Variants in PPFIA2 observed in about 807,000 individuals in gnomAD.
PPFIA2 encodes the protein PPFI scaffold protein A2, also known as liprin-alpha-2.
Under a neutral mutation model 175.5 loss-of-function variants are expected in PPFIA2, and 46 were observed. That is an observed-to-expected ratio of 0.26 (90% CI 0.21 to 0.34). The LOEUF (loss-of-function observed/expected upper bound fraction) is 0.34, where lower values mean the gene tolerates loss of function less well. Ranked by LOEUF, PPFIA2 falls within the 10% of genes least tolerant of loss-of-function variation. The probability of loss-of-function intolerance (pLI) is 1.00; values close to 1 mark genes in which losing one functional copy is unlikely to be tolerated. For synonymous variants in PPFIA2, 568 were observed against 511.4 expected (o/e 1.11, Z -1.49); for missense variants, 1,179 against 1,506.1 (o/e 0.78, Z 3.60).
At chr12:81,701,492 G>C (rs1203674654) in intron 3 of PPFIA2, among the ~76,000 whole-genome samples, 1 of 152,060 alleles carries the variant, frequency 6.6e-6, no homozygotes, top group African/African-American at 2.4e-5. Flanking sequence ...AGAATTTAGG[G>C]GTTAGAGCCT....
At chr12:81,619,165 C>T (rs1481628381) in intron 4 of PPFIA2, among the ~76,000 whole-genome samples, 5 of 152,084 alleles carry the variant, frequency 3.3e-5, no homozygotes, top group East Asian at 3.8e-4. Context: ...GGACTACAAG[C>T]GAAGTAAAAC....
At chr12:81,561,182 C>G (rs1008195112) in intron 4 of PPFIA2, among the ~76,000 whole-genome samples, 1 of 152,128 alleles carries the variant, frequency 6.6e-6, no homozygotes, top group Non-Finnish European at 1.5e-5. Flanking sequence ...AAGACCCAGG[C>G]TGTGTATATG....
intron 4 of PPFIA2, among the ~76,000 whole-genome samples, chr12:81,607,105 C>T (rs2060402782): frequency 6.6e-6 from 1 of 151,916 alleles, no homozygotes; most frequent in Admixed American, 6.6e-5. Flanking sequence ...TCAGCCTCAT[C>T]GAAGATCTGA....
chr12:81,312,482 A>T, intron 22 of PPFIA2: 1 of 350,466 alleles, frequency 2.9e-6, no homozygotes, highest in Non-Finnish European at 5.1e-6. Context: ...GAAATCAAGA[A>T]ATCTTGGTAA....
At chr12:81,387,434 A>C (rs1035992420) in intron 8 of PPFIA2, among the ~76,000 whole-genome samples, 11 of 152,166 alleles carry the variant, frequency 7.2e-5, no homozygotes, top group Non-Finnish European at 1.5e-4. Context: ...GCATCATGAA[A>C]GCAGTGAGAA....
rs1424464898 is a variant in PPFIA2 at position 81,258,585 on chromosome 12, T to C, written c.*1109A>G. 2.0e-5 allele frequency: 3 copies of C among 152,180 alleles called. No homozygotes were observed. Among genetic ancestry groups the C allele is most frequent in the Non-Finnish European group, 4.4e-5 (3 of 68,032 alleles). The allele number at this position is 152,180 out of a possible 1,614,324, so 9.4% of individuals were successfully genotyped here. A position where few individuals can be genotyped will look rare whatever the true frequency, so the allele number is the denominator to read the frequency against. ...TACTCTTCTATACTTTTATACACTA[T>C]ATATGTTAATCATTCTGTCTTTCAT... On this transcript the variant is annotated 3_prime_UTR_variant, in exon 33 of 33. Coordinates refer to ENST00000549396, the MANE Select transcript of PPFIA2 (RefSeq NM_003625.5).
chr12:81,453,391 T>C (rs1280122212), intron 5 of PPFIA2, among the ~76,000 whole-genome samples: 1 of 151,988 alleles, frequency 6.6e-6, no homozygotes, highest in Non-Finnish European at 1.5e-5. Flanking sequence ...AAATTCCCAG[T>C]TTTTCTTTAC....
chr12:81,368,692 T>G, intron 13 of PPFIA2, 33 bp downstream of exon 13: 1 of 1,584,010 alleles, frequency 6.3e-7, no homozygotes, highest in Non-Finnish European at 8.6e-7. Flanking sequence ...CATTGCAAAA[T>G]ATTCATGTGA....
chr12:81,299,654 T>C (rs934901497), intron 22 of PPFIA2, among the ~76,000 whole-genome samples: 2 of 152,202 alleles, frequency 1.3e-5, no homozygotes, highest in African/African-American at 4.8e-5. Flanking sequence ...AGAAGTGGAA[T>C]TATATTACCA....
At chr12:81,319,411 C>T (rs1425185841) in intron 22 of PPFIA2, among the ~76,000 whole-genome samples, 1 of 151,802 alleles carries the variant, frequency 6.6e-6, no homozygotes, top group Non-Finnish European at 1.5e-5. Context: ...TACATGATCA[C>T]ATGGCAAAGC....
At position 81,529,782 on chromosome 12, in the gene PPFIA2, T is replaced by C. The variant is rs141640527; in HGVS notation, c.304-71916A>G. 5.2e-3 allele frequency among the ~76,000 whole-genome samples: 794 copies of C among 151,916 alleles called. 6 individuals are homozygous for C. Among genetic ancestry groups the C allele is most frequent in the Non-Finnish European group, 9.2e-3 (625 of 67,888 alleles). The stretch of plus-strand genomic sequence containing the variant: ...ATATGTTTTTTACACTTTTAAATTG[T>C]CCAGTTGGAGGAGAACAACACACAC... On this transcript the variant is annotated intron_variant, in intron 4 of 32. Coordinates refer to ENST00000549396, the MANE Select transcript of PPFIA2 (RefSeq NM_003625.5).
intron 4 of PPFIA2, among the ~76,000 whole-genome samples, chr12:81,508,116 G>A (rs1035797832): frequency 7.9e-5 from 12 of 152,024 alleles, no homozygotes; most frequent in Non-Finnish European, 1.3e-4. Flanking sequence ...TTATAGGTAC[G>A]CAATATATAA....
At chr12:81,379,818 AAC>A (rs1326125544) in intron 9 of PPFIA2, among the ~76,000 whole-genome samples, 1 of 152,202 alleles carries the variant, frequency 6.6e-6, no homozygotes, top group African/African-American at 2.4e-5. Flanking sequence ...CCATCAGTGG[AAC>A]ATATTTATAA....
At position 81,353,170 on chromosome 12, in the gene PPFIA2, G is replaced by A. The variant is rs753367719; in HGVS notation, c.1943C>T (p.Thr648Met). ...TTGTTCCTGAAGCATCATGGCTAGC[G>A]TCTGGGCATCGGAATGACCACTTGG... ...LSPSGHSDAQ[T>M]LAMMLQEQLD... Residue 648 changes from threonine (T) to methionine (M), a missense_variant, in exon 17 of 33, where the codon ACG becomes ATG. By Grantham distance (81) the Thr-to-Met change is moderately conservative (BLOSUM62 -1). This residue lies in a region of PPFIA2 where 11 missense variants were observed against 31.9 expected (regional missense o/e 0.35). Coordinates refer to ENST00000549396, the MANE Select transcript of PPFIA2 (RefSeq NM_003625.5). 33 of 1,613,684 alleles carry A rather than the reference G, an allele frequency of 2.0e-5. No individual in the cohort carries two copies. The Middle Eastern group carries it at 4.9e-4, about 24-fold the overall frequency.
At chr12:81,383,860 CTA>C (rs2038327487) in intron 9 of PPFIA2, among the ~76,000 whole-genome samples, 161 bp downstream of exon 9, 2 of 152,056 alleles carry the variant, frequency 1.3e-5, no homozygotes, top group South Asian at 4.1e-4. Context: ...ATGAAGTAAA[CTA>C]TGTTTGCGCT....
chr12:81,305,278 C>A (rs757430063), intron 22 of PPFIA2, among the ~76,000 whole-genome samples: 1 of 152,022 alleles, frequency 6.6e-6, no homozygotes, highest in Non-Finnish European at 1.5e-5. Context: ...AACTAATTTC[C>A]GTTCTCCAAT....
chr12:81,682,552 T>C (rs1249263517), intron 3 of PPFIA2, among the ~76,000 whole-genome samples: 5 of 152,066 alleles, frequency 3.3e-5, no homozygotes, highest in Non-Finnish European at 7.4e-5. Context: ...TCAGTATCAG[T>C]GGAATCAATG....
At chr12:81,410,654 C>A (rs1472043452) in intron 7 of PPFIA2, among the ~76,000 whole-genome samples, 1 of 151,970 alleles carries the variant, frequency 6.6e-6, no homozygotes, top group Non-Finnish European at 1.5e-5. Context: ...CTTATATTTT[C>A]ACTGGAGACT....
At chr12:81,473,019 T>A (rs533438520) in intron 4 of PPFIA2, 2 of 152,382 alleles carry the variant, frequency 1.3e-5, no homozygotes, top group South Asian at 2.1e-4. Context: ...ATAGTAGGAA[T>A]AACTCTTGAA....
Sources: allele counts gnomAD v4.1 joint callset (sites outside exome capture counted in the v4.1 genomes callset), GRCh38; gene constraint gnomAD v4.1.1; regional missense constraint gnomAD v4.1.1; transcripts MANE v1.5; gene names NCBI Gene and HGNC (gene_info 2026-07-23, HGNC 2026-07-21).